Variants in HCRTR2 observed in about 807,000 individuals in gnomAD.
HCRTR2 encodes orexin receptor type 2.
HCRTR2 carries 22 observed loss-of-function variants against 49.0 expected under a neutral mutation model. The observed-to-expected ratio is 0.45, with a 90% CI of 0.32 to 0.64. The LOEUF (loss-of-function observed/expected upper bound fraction) is 0.64. Among genes scored for constraint, HCRTR2 ranks in the 30% least tolerant of loss-of-function variants. The probability of loss-of-function intolerance (pLI) is 0.04; values close to 1 mark genes in which losing one functional copy is unlikely to be tolerated. For missense variants in HCRTR2, 491 were observed against 559.4 expected (o/e 0.88, Z 1.23); for synonymous variants, 236 against 205.3 (o/e 1.15, Z -1.28).
chr6:55,205,100 T>C (rs553407647), intron 1 of HCRTR2, among the ~76,000 whole-genome samples: 6 of 152,270 alleles, frequency 3.9e-5, no homozygotes, highest in African/African-American at 1.4e-4. Flanking sequence ...TTCAAATATT[T>C]AAGTTTTGAA....
At chr6:55,236,463 C>T (rs1232755542) in intron 1 of HCRTR2, among the ~76,000 whole-genome samples, 1 of 152,024 alleles carries the variant, frequency 6.6e-6, no homozygotes, top group Non-Finnish European at 1.5e-5. Flanking sequence ...AGTATGCCCT[C>T]TGTGGATAAT....
In HCRTR2 at chr6:55,229,012, G is replaced by T. The variant is rs564526508; in HGVS notation, c.224-19627G>T. On this transcript the variant is annotated intron_variant, in intron 1 of 6. Transcript: ENST00000370862. ...CTTGGTTACTGTGCATGTGGACGAG[G>T]CTGATTTTCATGGTGGGATGTTAAA... Among the ~76,000 whole-genome samples, 27 of 152,142 alleles carry T rather than the reference G, an allele frequency of 1.8e-4. No individual in the cohort carries two copies. The South Asian group carries it at 5.4e-3, about 30-fold the overall frequency.
intron 1 of HCRTR2, among the ~76,000 whole-genome samples, chr6:55,135,175 T>A (rs1344750845): frequency 6.6e-6 from 1 of 152,102 alleles, no homozygotes; most frequent in Non-Finnish European, 1.5e-5. Flanking sequence ...AATTTGGCCA[T>A]TAATTGGGTT....
Position 55,158,231 on chromosome 6 carries a change from G to A in HCRTR2, c.-377-15980G>A, listed in dbSNP as rs114622659. ...TGGGGAACTCCCTCCCCTAGCCAAC[G>A]GAATCTGTGAGGGACTGCCATGAGG... On this transcript the variant is annotated intron_variant, in intron 1 of 7. Coordinates refer to the HCRTR2 transcript ENST00000615358. Among the ~76,000 whole-genome samples, 445 of 152,264 alleles carry A rather than the reference G, an allele frequency of 2.9e-3. 4 individuals are homozygous for A. The highest frequency in any genetic ancestry group is 0.01 in the African/African-American group (418 of 41,544).
At chr6:55,178,712 G>A (rs551029874) in intron 1 of HCRTR2, among the ~76,000 whole-genome samples, 6 of 152,146 alleles carry the variant, frequency 3.9e-5, no homozygotes, top group Admixed American at 2.6e-4. Flanking sequence ...ATAAAATGGT[G>A]TTGGCACACA....
chr6:55,166,137 G>T (rs1764875127), intron 1 of HCRTR2, among the ~76,000 whole-genome samples: 1 of 151,930 alleles, frequency 6.6e-6, no homozygotes, highest in Non-Finnish European at 1.5e-5. Flanking sequence ...TTATTGATTT[G>T]CATTTATTGA....
At chr6:55,112,069 A>C (rs567998617) in intron 1 of HCRTR2, among the ~76,000 whole-genome samples, 101 of 152,182 alleles carry the variant, frequency 6.6e-4, no homozygotes, top group African/African-American at 2.3e-3. Flanking sequence ...TAGATGCAGA[A>C]AAAGCATTTG....
At chr6:55,272,564 G>A (rs1766993074) in intron 4 of HCRTR2, among the ~76,000 whole-genome samples, 1 of 150,964 alleles carries the variant, frequency 6.6e-6, no homozygotes, top group African/African-American at 2.4e-5. Context: ...GAACAAAAAT[G>A]ATGGGATATT....
chr6:55,125,695 T>C (rs748649529), intron 1 of HCRTR2, among the ~76,000 whole-genome samples: 1 of 152,224 alleles, frequency 6.6e-6, no homozygotes, highest in African/African-American at 2.4e-5. Context: ...TTGGATAATA[T>C]CCTGAAGAGT....
At chr6:55,173,602 A>T (rs890202120), upstream of HCRTR2, among the ~76,000 whole-genome samples, 14 of 152,216 alleles carry the variant, frequency 9.2e-5, no homozygotes, top group Non-Finnish European at 1.8e-4. Context: ...TATTTACCAG[A>T]GAGAGCACTT....
At chr6:55,250,851 C>T (rs1766536162) in intron 2 of HCRTR2, among the ~76,000 whole-genome samples, 1 of 152,152 alleles carries the variant, frequency 6.6e-6, no homozygotes, top group African/African-American at 2.4e-5. Context: ...TGCTCCTCTT[C>T]TCCATAGAGC....
intron 1 of HCRTR2, among the ~76,000 whole-genome samples, chr6:55,247,489 G>T (rs571770958): frequency 6.6e-6 from 1 of 151,982 alleles, no homozygotes; most frequent in Non-Finnish European, 1.5e-5. Flanking sequence ...TTATTTATTC[G>T]CTATGTAAAG....
chr6:55,140,926 G>T (rs1352219020), intron 1 of HCRTR2, among the ~76,000 whole-genome samples: 1 of 152,150 alleles, frequency 6.6e-6, no homozygotes, highest in Non-Finnish European at 1.5e-5. Flanking sequence ...TCGGAAGCTG[G>T]TTGTGCCTGA....
intron 1 of HCRTR2, among the ~76,000 whole-genome samples, chr6:55,187,543 C>A (rs1282745408): frequency 6.6e-6 from 1 of 151,024 alleles, no homozygotes; most frequent in Non-Finnish European, 1.5e-5. Context: ...TACTGAAAAT[C>A]AGTAATGAAC....
chr6:55,145,574 C>G (rs1397321254), intron 1 of HCRTR2, among the ~76,000 whole-genome samples: 1 of 151,982 alleles, frequency 6.6e-6, no homozygotes, highest in Non-Finnish European at 1.5e-5. Flanking sequence ...CCGTGCCTGG[C>G]TAATTTTTGT....
rs1053764061 is a variant in HCRTR2, at chr6:55,198,976, T to C, written c.223+24166T>C. The stretch of plus-strand genomic sequence containing the variant: ...ATTACAACAGAAGATAGTATTTCTG[T>C]TTTCCTGGTTGCTCAAGCCTAAATT... On this transcript the variant is annotated intron_variant, in intron 1 of 6. Transcript: ENST00000370862. Among the ~76,000 whole-genome samples the C allele has an allele frequency of 3.3e-5, 5 of 152,200 alleles. No homozygotes were observed. In the East Asian group the frequency reaches 9.6e-4, roughly 29 times the overall value.
At chr6:55,183,539 G>A (rs570418069) in intron 1 of HCRTR2, among the ~76,000 whole-genome samples, 1 of 152,262 alleles carries the variant, frequency 6.6e-6, no homozygotes, top group African/African-American at 2.4e-5. Context: ...TGTTGTTTAG[G>A]GGGAGCTGTT....
chr6:55,182,571 A>G (rs376146949), intron 1 of HCRTR2, among the ~76,000 whole-genome samples: 1 of 152,180 alleles, frequency 6.6e-6, no homozygotes, highest in Non-Finnish European at 1.5e-5. Flanking sequence ...TGAGGTGACT[A>G]CAACAGCCAC....
chr6:55,157,045 T>C (rs927823700), intron 1 of HCRTR2, among the ~76,000 whole-genome samples: 1 of 151,992 alleles, frequency 6.6e-6, no homozygotes, highest in East Asian at 1.9e-4. Flanking sequence ...AATTAATCAT[T>C]AAAAAAAGGC....
Sources: gnomAD v4.1 joint callset for allele counts (sites outside exome capture counted in the v4.1 genomes callset) on GRCh38, gnomAD v4.1.1 for gene constraint, MANE v1.5 for transcripts, NCBI Gene and HGNC (gene_info 2026-07-23, HGNC 2026-07-21) for gene names.